Variants in DPH6 observed in about 807,000 individuals in gnomAD.
The protein encoded by DPH6 is diphthamine biosynthesis 6.
In DPH6, 33 loss-of-function variants were observed where a neutral mutation model predicts 38.2. That is an observed-to-expected ratio of 0.86 (90% CI 0.65 to 1.15). The LOEUF is 1.15. Among genes scored for constraint, DPH6 ranks in the 50% most tolerant of loss-of-function variants. DPH6 has a pLI of 0.00. For synonymous variants in DPH6, 108 were observed against 103.0 expected (o/e 1.05, Z -0.30); for missense variants, 325 against 320.0 (o/e 1.02, Z -0.12).
chr15:35,406,573 A>AAAAGGAGGAAATAGTAAG (rs2053296983), intron 6 of DPH6, among the ~76,000 whole-genome samples: 1 of 152,030 alleles, frequency 6.6e-6, no homozygotes, highest in Non-Finnish European at 1.5e-5. Context: ...TGTGAGGATA[A>AAAAGGAGGAAATAGTAAG]AAAGGAGGAA....
chr15:35,379,205 A>G (rs1188275249), intron 7 of DPH6, among the ~76,000 whole-genome samples: 1 of 152,198 alleles, frequency 6.6e-6, no homozygotes, highest in Non-Finnish European at 1.5e-5. Flanking sequence ...ATTGGCCCAC[A>G]TGGCCCCTCC....
the DPH6 span, among the ~76,000 whole-genome samples, chr15:35,201,690 G>T: frequency 1.3e-5 from 2 of 151,516 alleles, no homozygotes; most frequent in African/African-American, 2.4e-5. Context: ...GATATTACCG[G>T]ATATTTTATA....
chr15:35,335,562 T>A (rs2052364631), intron 3 of DPH6, among the ~76,000 whole-genome samples: 1 of 152,194 alleles, frequency 6.6e-6, no homozygotes, highest in African/African-American at 2.4e-5. Context: ...CTTGAGTTAG[T>A]TTTTGTACAC....
intron 3 of DPH6, among the ~76,000 whole-genome samples, chr15:35,289,168 G>A (rs1286214251): frequency 6.6e-6 from 1 of 152,134 alleles, no homozygotes; most frequent in Non-Finnish European, 1.5e-5. Context: ...CAAATGAGAT[G>A]GCTCTTAAAA....
chr15:35,484,190 A>G (rs1027663783), intron 3 of DPH6, among the ~76,000 whole-genome samples: 1 of 152,252 alleles, frequency 6.6e-6, no homozygotes, highest in African/African-American at 2.4e-5. Flanking sequence ...ATAACAATGA[A>G]TAAGAGGTAG....
chr15:35,361,109 C>T (rs564960538), intron 3 of DPH6, among the ~76,000 whole-genome samples: 39 of 152,238 alleles, frequency 2.6e-4, no homozygotes, highest in African/African-American at 9.4e-4. Flanking sequence ...GTGTCCGGAA[C>T]TGAGACTACG....
chr15:35,361,562 T>A (rs1213084195), intron 3 of DPH6, among the ~76,000 whole-genome samples: 1 of 152,002 alleles, frequency 6.6e-6, no homozygotes, highest in African/African-American at 2.4e-5. Context: ...ACTGTATAGA[T>A]TGGTCTGCTT....
chr15:35,286,566 A>G (rs1184213686), intron 3 of DPH6, among the ~76,000 whole-genome samples: 1 of 152,240 alleles, frequency 6.6e-6, no homozygotes, highest in Non-Finnish European at 1.5e-5. Flanking sequence ...AGACATTGAG[A>G]GTTAAACTAG....
At chr15:35,356,279 A>T (rs1480956798) in intron 3 of DPH6, among the ~76,000 whole-genome samples, 1 of 152,148 alleles carries the variant, frequency 6.6e-6, no homozygotes, top group Non-Finnish European at 1.5e-5. Context: ...TTCTTCTCTC[A>T]ACTCGTCAAA....
In DPH6 at chr15:35,391,274, G is replaced by T. The variant is rs147466646; in HGVS notation, c.568-9358C>A. 2.8e-3 allele frequency among the ~76,000 whole-genome samples: 426 copies of T among 152,322 alleles called. 2 individuals are homozygous for T. The highest frequency in any genetic ancestry group is 9.6e-3 in the African/African-American group (399 of 41,584). On this transcript the variant is annotated intron_variant, in intron 6 of 8. Transcript: ENST00000256538. ...CCTACTGGGGGGTGCCTCCCAGTTA[G>T]GCTACTTGGGGGTCAGGGACCCACT...
In DPH6 at chr15:35,234,950, G is replaced by A. The variant is rs114565929; in HGVS notation, n.201-14368C>T. 2.7e-3 allele frequency among the ~76,000 whole-genome samples: 412 copies of A among 152,308 alleles called. 6 individuals carry two copies. The highest frequency in any genetic ancestry group is 9.4e-3 in the African/African-American group (391 of 41,558). ...ATAAAATGTGTGAACACTGGATCAA[G>A]CTACATCTGAAAAGAGATCATTCCA... On this transcript the variant is annotated intron_variant and non_coding_transcript_variant, in intron 3 of 3. Coordinates refer to the DPH6 transcript ENST00000560386.
chr15:35,400,181 T>A (rs1205558446), intron 6 of DPH6, among the ~76,000 whole-genome samples: 1 of 152,132 alleles, frequency 6.6e-6, no homozygotes, highest in Non-Finnish European at 1.5e-5. Context: ...GTACAGAGAC[T>A]ACTAAATAAA....
chr15:35,349,257 T>C (rs1170465244), intron 3 of DPH6, among the ~76,000 whole-genome samples: 1 of 152,182 alleles, frequency 6.6e-6, no homozygotes, highest in African/African-American at 2.4e-5. Flanking sequence ...AGCTTACAGT[T>C]TTTCACTTGT....
intron 5 of DPH6, among the ~76,000 whole-genome samples, chr15:35,446,922 G>A (rs1158606804): frequency 6.6e-6 from 1 of 151,400 alleles, no homozygotes; most frequent in East Asian, 1.9e-4. Flanking sequence ...AGGCTGGAGT[G>A]CAGTGGCGTG....
intron 3 of DPH6, among the ~76,000 whole-genome samples, chr15:35,492,675 T>C (rs952860381): frequency 3.9e-5 from 6 of 152,230 alleles, no homozygotes; most frequent in African/African-American, 1.4e-4. Context: ...GTTTACCTTA[T>C]TTAATCTTCA....
At position 35,454,736 on chromosome 15, in the gene DPH6, T is replaced by A. The variant is rs1490168216; in HGVS notation, c.386+11A>T. 3 of 1,600,224 alleles carry A rather than the reference T, an allele frequency of 1.9e-6. No individual in the cohort carries two copies. In the African/African-American group the frequency reaches 4.0e-5, roughly 21 times the overall value. On this transcript the variant is annotated intron_variant, in intron 4 of 8. Coordinates refer to ENST00000256538, the MANE Select transcript of DPH6 (RefSeq NM_080650.4). ...TACACTTTTAAAACTAACAAATTAA[T>A]GTTTTCTTACACATTTTCCACTCGA...
At chr15:35,177,327 C>A in the DPH6 span, among the ~76,000 whole-genome samples, 2 of 151,902 alleles carry the variant, frequency 1.3e-5, no homozygotes, top group Non-Finnish European at 2.9e-5. Context: ...GTAATCTCAG[C>A]ACTTTGGGAG....
At chr15:35,331,762 C>A (rs2052328655) in intron 3 of DPH6, among the ~76,000 whole-genome samples, 1 of 152,170 alleles carries the variant, frequency 6.6e-6, no homozygotes. Context: ...TAAAATTGTT[C>A]ATCCGAAGGA....
intron 5 of DPH6, among the ~76,000 whole-genome samples, chr15:35,426,156 A>G (rs1038582572): frequency 6.6e-6 from 1 of 151,480 alleles, no homozygotes; most frequent in African/African-American, 2.4e-5. Context: ...AATTTACAAC[A>G]CATGTTGGGA....
Sources: allele counts gnomAD v4.1 joint callset (sites outside exome capture counted in the v4.1 genomes callset), GRCh38; gene constraint gnomAD v4.1.1; transcripts MANE v1.5; gene names NCBI Gene and HGNC (gene_info 2026-07-23, HGNC 2026-07-21).